ANKFN1: variants seen among roughly 807,000 people sequenced by gnomAD.
The protein encoded by ANKFN1 is ankyrin repeat and fibronectin type-III domain-containing protein 1.
A neutral mutation model predicts 108.7 loss-of-function variants in ANKFN1; 74 were observed. The ratio of observed to expected loss-of-function variants is 0.68; its 90% CI spans 0.56 to 0.83. ANKFN1 has a LOEUF of 0.83. ANKFN1 is among the 40% of genes least tolerant of loss of function. The pLI, the probability that ANKFN1 is intolerant of heterozygous loss-of-function variation, is 0.00. For missense variants in ANKFN1, 1,505 were observed against 1,382.3 expected (o/e 1.09, Z -1.41); for synonymous variants, 547 against 516.2 (o/e 1.06, Z -0.81).
intron 17 of ANKFN1, among the ~76,000 whole-genome samples, chr17:56,481,736 A>G (rs1393738583): frequency 6.6e-6 from 1 of 152,242 alleles, no homozygotes; most frequent in Non-Finnish European, 1.5e-5. Context: ...ACAAGATGCC[A>G]TAAAGACAAT....
chr17:56,383,668 A>C (rs1003535974), intron 8 of ANKFN1, among the ~76,000 whole-genome samples: 14 of 152,222 alleles, frequency 9.2e-5, no homozygotes, highest in Non-Finnish European at 1.5e-4. Context: ...ATCCCACAGA[A>C]ATACAAACTA....
rs1049623576 is a variant in ANKFN1 at position 56,440,368 on chromosome 17, G to T, written c.952G>T (p.Glu318Ter). The change falls in exon 9 of 21, where the codon GAA (glutamate) becomes TAA (stop). Residue 318 changes from glutamate to a stop codon, truncating the protein, a stop_gained. Transcript: ENST00000682825. LOFTEE classifies it high-confidence loss of function. ...CGAAGACTTTTCTCCTTTGGCTGGAGAAATCATCATGGATAATCTGCAGAC... is the reference window on the plus strand; with the variant it reads ...CGAAGACTTTTCTCCTTTGGCTGGATAAATCATCATGGATAATCTGCAGAC... ...MSEDFSPLAG[E>*]IIMDNLQTLR... The T allele has an allele frequency of 4.3e-6, 7 of 1,612,674 alleles. No homozygotes were observed. The highest frequency in any genetic ancestry group is 5.9e-6 in the Non-Finnish European group (7 of 1,179,180).
intron 4 of ANKFN1, among the ~76,000 whole-genome samples, chr17:56,090,324 C>T (rs1334246213): frequency 6.6e-6 from 1 of 151,236 alleles, no homozygotes; most frequent in African/African-American, 2.4e-5. Flanking sequence ...AGAGAGCAAG[C>T]AGTATGTCAC....
intron 19 of ANKFN1, among the ~76,000 whole-genome samples, chr17:56,496,650 T>C (rs1372520342): frequency 1.3e-5 from 2 of 152,136 alleles, no homozygotes; most frequent in Non-Finnish European, 1.5e-5. Context: ...AATGTCCTTA[T>C]GAGGACATCT....
chr17:56,474,674 C>T (rs549995729), intron 15 of ANKFN1, among the ~76,000 whole-genome samples: 6 of 152,148 alleles, frequency 3.9e-5, no homozygotes, highest in Non-Finnish European at 5.9e-5. Flanking sequence ...AGCAAGTATC[C>T]CAAGGTGCAT....
chr17:56,168,444 T>G (rs1910361775), intron 1 of ANKFN1, among the ~76,000 whole-genome samples: 1 of 152,202 alleles, frequency 6.6e-6, no homozygotes, highest in Admixed American at 6.5e-5. Context: ...TTATTCCTTT[T>G]TCATTTCAAA....
chr17:56,265,420 C>T (rs1052337142), intron 3 of ANKFN1, among the ~76,000 whole-genome samples: 1 of 152,144 alleles, frequency 6.6e-6, no homozygotes, highest in Admixed American at 6.5e-5. Flanking sequence ...GGAAACCATC[C>T]CCATGATCCA....
chr17:56,214,729 T>C (rs1341716636), intron 2 of ANKFN1, among the ~76,000 whole-genome samples: 10 of 152,188 alleles, frequency 6.6e-5, no homozygotes, highest in Admixed American at 6.5e-4. Context: ...CAAAGGCTAC[T>C]AGTCAGCCCT....
At chr17:56,243,170 A>G (rs1917713659) in intron 3 of ANKFN1, among the ~76,000 whole-genome samples, 2 of 151,924 alleles carry the variant, frequency 1.3e-5, no homozygotes, top group African/African-American at 4.8e-5. Flanking sequence ...TTAGCATTGA[A>G]TTTCTTTGTG....
chr17:56,288,746 C>A (rs1244352771), intron 3 of ANKFN1, among the ~76,000 whole-genome samples: 1 of 152,100 alleles, frequency 6.6e-6, no homozygotes, highest in Admixed American at 6.5e-5. Context: ...AGTAGACTCC[C>A]CAAAAAGGTC....
chr17:56,237,709 A>G (rs1187043878), intron 3 of ANKFN1, among the ~76,000 whole-genome samples: 3 of 150,636 alleles, frequency 2.0e-5, no homozygotes, highest in African/African-American at 7.3e-5. Flanking sequence ...CTTATATATC[A>G]TTAATTTTTA....
intron 4 of ANKFN1, among the ~76,000 whole-genome samples, chr17:56,147,092 C>T (rs1908306166): frequency 6.6e-6 from 1 of 152,144 alleles, no homozygotes; most frequent in African/African-American, 2.4e-5. Flanking sequence ...GTTGCCTTTG[C>T]CTCATTTCCC....
At chr17:56,245,861 G>A (rs1917917914) in intron 3 of ANKFN1, 1 of 151,946 alleles carries the variant, frequency 6.6e-6, no homozygotes, top group African/African-American at 2.4e-5. Flanking sequence ...CATGTTTTAT[G>A]GACTCTTTTA....
intron 7 of ANKFN1, 117 bp from the exon 8 acceptor site, chr17:56,374,484 G>A: frequency 1.3e-6 from 1 of 753,720 alleles, no homozygotes; most frequent in Non-Finnish European, 2.2e-6. Flanking sequence ...AAGCTATTAG[G>A]CTCCACAAAC....
In ANKFN1 at chr17:56,515,908, T is replaced by C. The variant is rs780867137; in HGVS notation, c.*4639T>C. On this transcript the variant is annotated 3_prime_UTR_variant, in exon 21 of 21. Coordinates refer to ENST00000682825, the MANE Select transcript of ANKFN1 (RefSeq NM_001370326.1). ...TAGGTGGGCTGTGAAAAATATTCTATTGTGATAAAGGAAGTAGATTTGTTG... is the reference window on the plus strand; with the variant it reads ...TAGGTGGGCTGTGAAAAATATTCTACTGTGATAAAGGAAGTAGATTTGTTG... Among the ~76,000 whole-genome samples the C allele has an allele frequency of 9.9e-5, 15 of 152,234 alleles. No individual in the cohort carries two copies. Among genetic ancestry groups the C allele is most frequent in the Non-Finnish European group, 1.8e-4 (12 of 68,042 alleles).
chr17:56,464,345 C>T (rs957595036), intron 14 of ANKFN1, among the ~76,000 whole-genome samples: 1 of 152,120 alleles, frequency 6.6e-6, no homozygotes, highest in Admixed American at 6.5e-5. Flanking sequence ...TCACATTTTC[C>T]GGCGTCTTAA....
chr17:56,370,910 A>G (rs1373437833), intron 6 of ANKFN1, among the ~76,000 whole-genome samples: 2 of 150,446 alleles, frequency 1.3e-5, no homozygotes, highest in African/African-American at 4.9e-5. Context: ...AATATTGCCA[A>G]TTTTTCCACT....
chr17:56,148,690 T>C (rs1230201347), upstream of ANKFN1, among the ~76,000 whole-genome samples: 6 of 152,238 alleles, frequency 3.9e-5, no homozygotes, highest in Non-Finnish European at 5.9e-5. Context: ...TCTTCTCTTT[T>C]GATAAATTCT....
intron 8 of ANKFN1, among the ~76,000 whole-genome samples, chr17:56,395,570 C>T (rs1292858910): frequency 2.0e-5 from 3 of 152,106 alleles, no homozygotes; most frequent in South Asian, 2.1e-4. Flanking sequence ...CATTGTAGGC[C>T]GGGTGCCATG....
Sources: allele counts gnomAD v4.1 joint callset (sites outside exome capture counted in the v4.1 genomes callset), GRCh38; gene constraint gnomAD v4.1.1; transcripts MANE v1.5; gene names NCBI Gene and HGNC (gene_info 2026-07-23, HGNC 2026-07-21).